Variants in IL7 observed in about 807,000 individuals in gnomAD.
The protein encoded by IL7 is interleukin-7.
Under a neutral mutation model 21.6 loss-of-function variants are expected in IL7, and 3 were observed. The observed-to-expected ratio is 0.14, with a 90% CI of 0.06 to 0.36. The LOEUF is 0.36. Ranked by LOEUF, IL7 falls within the 10% of genes least tolerant of loss-of-function variation. The pLI is 1.00. For missense variants in IL7, 175 were observed against 200.2 expected (o/e 0.87, Z 0.76); for synonymous variants, 62 against 68.1 (o/e 0.91, Z 0.44).
chr8:78,678,671 A>C (rs780961934), intron 4 of IL7: 4 of 1,605,192 alleles, frequency 2.5e-6, no homozygotes, highest in Non-Finnish European at 2.5e-6. Flanking sequence ...AAAACCTCTC[A>C]AACCGAGGGT....
chr8:78,784,826 C>A (rs1813456815), intron 2 of IL7, among the ~76,000 whole-genome samples: 1 of 152,224 alleles, frequency 6.6e-6, no homozygotes, highest in Non-Finnish European at 1.5e-5. Context: ...AGTGTCTTCA[C>A]TTTTCTCTTG....
chr8:78,797,981 A>T, intron 2 of IL7, 91 bp downstream of exon 2: 3 of 980,868 alleles, frequency 3.1e-6, no homozygotes, highest in Non-Finnish European at 4.5e-6. Context: ...CTTGTCAAGA[A>T]AGATGAATAC....
Position 78,732,946 on chromosome 8 carries a change from C to A in IL7, c.*767G>T, listed in dbSNP as rs1811458317. ...TCTTAAAAATATATCTCCCAAATTG[C>A]AAACTTATTTAGACAAGTTATAATC... On this transcript the variant is annotated 3_prime_UTR_variant, in exon 6 of 6. Transcript: ENST00000263851. The A allele has an allele frequency of 6.9e-6, 1 of 144,066 alleles. No homozygotes were observed. Among genetic ancestry groups the A allele is most frequent in the South Asian group, 2.2e-4 (1 of 4,556 alleles). 8.9% of individuals were successfully genotyped at this position (144,066 alleles called of 1,614,324 possible).
chr8:78,742,039 C>T (rs1811801209), intron 2 of IL7, among the ~76,000 whole-genome samples: 1 of 151,996 alleles, frequency 6.6e-6, no homozygotes, highest in East Asian at 1.9e-4. Context: ...CACAGCTAGG[C>T]ATGGTGCCTT....
Position 78,783,834 on chromosome 8 carries a change from A to C in IL7, c.147+14238T>G, listed in dbSNP as rs113138411. 3.4e-3 allele frequency among the ~76,000 whole-genome samples: 523 copies of C among 152,280 alleles called. 3 individuals are homozygous for C. The highest frequency in any genetic ancestry group is 0.012 in the African/African-American group (489 of 41,564). On this transcript the variant is annotated intron_variant, in intron 2 of 5. Coordinates refer to ENST00000263851, the MANE Select transcript of IL7 (RefSeq NM_000880.4). ...GCAGATCAAAGATAAAGATTTATTA[A>C]AGAAATATGTAAAGCAAAGCAGCCA... is the stretch of plus-strand genomic sequence containing the variant.
At chr8:78,714,852 T>G (rs1811050590), downstream of IL7, among the ~76,000 whole-genome samples, 1 of 152,210 alleles carries the variant, frequency 6.6e-6, no homozygotes, top group Admixed American at 6.5e-5. Flanking sequence ...ATAATGAAAC[T>G]TGTTTGTTTA....
intron 2 of IL7, 134 bp downstream of exon 2, chr8:78,797,938 T>C (rs1813916109): frequency 1.7e-6 from 1 of 592,350 alleles, no homozygotes; most frequent in South Asian, 2.9e-5. Flanking sequence ...AGTTAGTAGC[T>C]CATTAAATTT....
intron 1 of IL7, among the ~76,000 whole-genome samples, chr8:78,802,092 T>C (rs1270737924): frequency 2.0e-5 from 3 of 152,190 alleles, no homozygotes; most frequent in Non-Finnish European, 4.4e-5. Flanking sequence ...AGAATTTGTT[T>C]TCAGTAGGGA....
chr8:78,788,624 G>T (rs540107083), intron 2 of IL7, among the ~76,000 whole-genome samples: 10 of 152,188 alleles, frequency 6.6e-5, no homozygotes, highest in African/African-American at 2.4e-4. Context: ...AATTTGTTAA[G>T]GTGTGTTTTA....
chr8:78,747,447 G>T (rs1310944994), intron 2 of IL7, among the ~76,000 whole-genome samples: 1 of 152,024 alleles, frequency 6.6e-6, no homozygotes, highest in East Asian at 1.9e-4. Context: ...TTTCATTTCT[G>T]ATCATCACTA....
In IL7 at chr8:78,687,490, A is replaced by G. The variant is rs879930300; in HGVS notation, n.215-1543T>C. Among the ~76,000 whole-genome samples, 1,023 of 144,954 alleles carry G rather than the reference A, an allele frequency of 7.1e-3. 7 individuals carry two copies. The highest frequency in any genetic ancestry group is 8.7e-3 in the Non-Finnish European group (578 of 66,470). Reference sequence around the variant, plus strand: ...TATATATATTTATATATAATTATATATGTTTATATAATAAATTATATATAT... The same window carrying G: ...TATATATATTTATATATAATTATATGTGTTTATATAATAAATTATATATAT... On this transcript the variant is annotated intron_variant and non_coding_transcript_variant, in intron 3 of 4. Coordinates refer to the IL7 transcript ENST00000523959.
At chr8:78,731,055 G>A (rs1811415661), downstream of IL7, among the ~76,000 whole-genome samples, 1 of 151,934 alleles carries the variant, frequency 6.6e-6, no homozygotes, top group Non-Finnish European at 1.5e-5. Flanking sequence ...CTGACCTACA[G>A]TACAAGATAC....
Position 78,722,911 on chromosome 8 carries a change from A to C in IL7, n.268-1471T>G, listed in dbSNP as rs186983522. On this transcript the variant is annotated intron_variant and non_coding_transcript_variant, in intron 3 of 6. Coordinates refer to the IL7 transcript ENST00000519833. Reference sequence around the variant, plus strand: ...AACAACTTGCAAAGCTCAAAAGGTAACAGCACAGAGCCATAAATTTGATAA... The same window carrying C: ...AACAACTTGCAAAGCTCAAAAGGTACCAGCACAGAGCCATAAATTTGATAA... Among the ~76,000 whole-genome samples, 18 of 151,922 alleles carry C rather than the reference A, an allele frequency of 1.2e-4. 1 individual carries two copies. Among genetic ancestry groups the C allele is most frequent in the African/African-American group, 4.3e-4 (18 of 41,530 alleles).
At chr8:78,732,399 G>C (rs1268911548), downstream of IL7, among the ~76,000 whole-genome samples, 1 of 152,104 alleles carries the variant, frequency 6.6e-6, no homozygotes, top group African/African-American at 2.4e-5. Context: ...AACACACACT[G>C]AGGGTGTCAC....
intron 4 of IL7, among the ~76,000 whole-genome samples, chr8:78,680,046 T>C (rs1247872286): frequency 6.6e-6 from 1 of 152,046 alleles, no homozygotes; most frequent in Non-Finnish European, 1.5e-5. Context: ...ACCGTATTAT[T>C]CTGGGCAAGT....
At chr8:78,762,546 G>C in intron 2 of IL7, 1 of 493,560 alleles carries the variant, frequency 2.0e-6, no homozygotes, top group East Asian at 4.1e-5. Context: ...CGGCAGGGCC[G>C]ACGCGCGGGG....
intron 2 of IL7, among the ~76,000 whole-genome samples, chr8:78,749,050 T>C (rs571659720): frequency 6.6e-6 from 1 of 152,326 alleles, no homozygotes; most frequent in Admixed American, 6.5e-5. Context: ...AACACACTTA[T>C]CTACCAGAAG....
At chr8:78,686,745 T>G in intron 3 of IL7, 1 of 899,832 alleles carries the variant, frequency 1.1e-6, no homozygotes, top group Non-Finnish European at 1.5e-6. Context: ...TGGTGTAAAA[T>G]GGTGGTGGTA....
chr8:78,771,930 T>A (rs753122206), intron 2 of IL7, among the ~76,000 whole-genome samples: 1 of 152,088 alleles, frequency 6.6e-6, no homozygotes, highest in African/African-American at 2.4e-5. Context: ...TAACTGAGAT[T>A]TTTAAAGTAA....
Sources: allele counts gnomAD v4.1 joint callset (sites outside exome capture counted in the v4.1 genomes callset), GRCh38; gene constraint gnomAD v4.1.1; transcripts MANE v1.5; gene names NCBI Gene and HGNC (gene_info 2026-07-23, HGNC 2026-07-21).